Variants in GRID1 observed in about 807,000 individuals in gnomAD.
GRID1 encodes glutamate ionotropic receptor delta type subunit 1.
In GRID1, 28 loss-of-function variants were observed where a neutral mutation model predicts 98.0. That is an observed-to-expected ratio of 0.29 (90% CI 0.21 to 0.39). GRID1 has a LOEUF of 0.39. Among genes scored for constraint, GRID1 ranks in the 10% least tolerant of loss-of-function variants. GRID1 has a pLI of 1.00. For synonymous variants in GRID1, 553 were observed against 538.5 expected (o/e 1.03, Z -0.37); for missense variants, 1,111 against 1,340.5 (o/e 0.83, Z 2.67).
At chr10:86,283,760 C>A (rs572734762) in intron 2 of GRID1, among the ~76,000 whole-genome samples, 2 of 150,536 alleles carry the variant, frequency 1.3e-5, no homozygotes, top group Non-Finnish European at 3.0e-5. Context: ...TACACACTGC[C>A]CTTGCACACA....
chr10:85,757,630 C>T (rs752033319), intron 8 of GRID1, among the ~76,000 whole-genome samples: 10 of 152,222 alleles, frequency 6.6e-5, no homozygotes, highest in Admixed American at 2.0e-4. Context: ...ACAGAGCCTA[C>T]TGGGGGACAC....
rs751482415 is a variant in GRID1, at chr10:85,728,070, A to C, written c.1336-18T>G. On this transcript the variant is annotated intron_variant, in intron 9 of 15. Transcript: ENST00000327946. ...GGCTCTTCCTGAGGACAACAGAATG[A>C]AGGTTCTCCAATTAAATAACAGGTT... 47 of 1,528,714 alleles carry C rather than the reference A, an allele frequency of 3.1e-5. No homozygotes were observed. In the Admixed American group the frequency reaches 7.7e-4, roughly 25 times the overall value. The allele number at this position is 1,528,714 out of a possible 1,614,324, so 94.7% of individuals were successfully genotyped here. A position where few individuals can be genotyped will look rare whatever the true frequency, so the allele number is the denominator to read the frequency against.
At chr10:86,272,017 T>C (rs1231386669) in intron 2 of GRID1, among the ~76,000 whole-genome samples, 1 of 151,076 alleles carries the variant, frequency 6.6e-6, no homozygotes, top group Non-Finnish European at 1.5e-5. Flanking sequence ...AAAGAGAAAA[T>C]CTTAAAGGCA....
At chr10:86,280,065 T>C (rs933841323) in intron 2 of GRID1, among the ~76,000 whole-genome samples, 4 of 152,054 alleles carry the variant, frequency 2.6e-5, no homozygotes, top group African/African-American at 9.7e-5. Context: ...TAGCCAGGCA[T>C]AGTGGTGCAC....
intron 13 of GRID1, among the ~76,000 whole-genome samples, chr10:85,639,017 C>T (rs1330402507): frequency 1.3e-5 from 2 of 152,150 alleles, no homozygotes; most frequent in Non-Finnish European, 2.9e-5. Context: ...AGCATAACCA[C>T]ATAGGAGGTA....
intron 2 of GRID1, among the ~76,000 whole-genome samples, chr10:86,284,090 C>T (rs1194989784): frequency 2.1e-5 from 3 of 143,292 alleles, no homozygotes; most frequent in African/African-American, 5.2e-5. Flanking sequence ...ATACCAGCAC[C>T]TACACACCTG....
chr10:85,989,006 TG>T (rs751560161), intron 4 of GRID1, among the ~76,000 whole-genome samples: 7 of 152,128 alleles, frequency 4.6e-5, no homozygotes, highest in Non-Finnish European at 8.8e-5. Flanking sequence ...AAGAGCTTTT[TG>T]TGCGGTTTGT....
chr10:85,682,540 C>T (rs1841222446), intron 12 of GRID1, among the ~76,000 whole-genome samples: 1 of 152,236 alleles, frequency 6.6e-6, no homozygotes, highest in South Asian at 2.1e-4. Flanking sequence ...TGAATTGTCA[C>T]CAGCCAGCAG....
At chr10:86,230,952 T>C (rs1484840407) in intron 2 of GRID1, among the ~76,000 whole-genome samples, 1 of 152,196 alleles carries the variant, frequency 6.6e-6, no homozygotes. Flanking sequence ...CAGGCCCAAG[T>C]GGCCACACTT....
At chr10:86,241,496 G>A (rs1375344903) in intron 2 of GRID1, among the ~76,000 whole-genome samples, 1 of 152,186 alleles carries the variant, frequency 6.6e-6, no homozygotes, top group East Asian at 1.9e-4. Flanking sequence ...CCTCAGGCAG[G>A]GCCTCCAGGC....
intron 2 of GRID1, among the ~76,000 whole-genome samples, chr10:86,207,142 G>A (rs1208415709): frequency 6.6e-6 from 1 of 152,148 alleles, no homozygotes; most frequent in Non-Finnish European, 1.5e-5. Flanking sequence ...GGACTGAAGG[G>A]ACTAAATGGC....
chr10:86,224,710 G>A (rs746355944), intron 2 of GRID1, among the ~76,000 whole-genome samples: 13 of 152,222 alleles, frequency 8.5e-5, no homozygotes, highest in Non-Finnish European at 1.6e-4. Context: ...CTCCCTCTAC[G>A]CAGCCATCCA....
intron 8 of GRID1, among the ~76,000 whole-genome samples, chr10:85,791,593 A>T (rs560357283): frequency 6.6e-6 from 1 of 152,250 alleles, no homozygotes; most frequent in South Asian, 2.1e-4. Flanking sequence ...TATATATATG[A>T]ACAGAATGTC....
intron 2 of GRID1, among the ~76,000 whole-genome samples, chr10:86,304,442 C>T (rs1172693558): frequency 6.6e-6 from 1 of 152,234 alleles, no homozygotes; most frequent in East Asian, 1.9e-4. Flanking sequence ...TGCTGGGGTT[C>T]CACAGAAGAA....
At chr10:86,024,000 C>T (rs1374538668) in intron 4 of GRID1, among the ~76,000 whole-genome samples, 1 of 152,110 alleles carries the variant, frequency 6.6e-6, no homozygotes, top group African/African-American at 2.4e-5. Flanking sequence ...TAAATTAATG[C>T]CTTCCTCTTC....
Position 86,139,597 on chromosome 10 carries a change from C to T in GRID1, c.521-573G>A, listed in dbSNP as rs371966591. Reference sequence around the variant, plus strand: ...CCCTGAGGCATGGGACCCTGTCTGGCTTTAGGGACCTGATTTTCCTTGATA... The same window carrying T: ...CCCTGAGGCATGGGACCCTGTCTGGTTTTAGGGACCTGATTTTCCTTGATA... On this transcript the variant is annotated intron_variant, in intron 3 of 15. Coordinates refer to ENST00000327946, the MANE Select transcript of GRID1 (RefSeq NM_017551.3). 7.2e-5 allele frequency among the ~76,000 whole-genome samples: 11 copies of T among 152,326 alleles called. 1 individual carries two copies. The South Asian group carries it at 1.4e-3, about 20-fold the overall frequency.
intron 4 of GRID1, among the ~76,000 whole-genome samples, chr10:86,113,803 G>A (rs1447447100): frequency 6.6e-6 from 1 of 152,124 alleles, no homozygotes; most frequent in African/African-American, 2.4e-5. Context: ...ATAACCGAGG[G>A]GCTGACGGGA....
chr10:85,969,276 T>C (rs1272311311), intron 4 of GRID1, among the ~76,000 whole-genome samples: 1 of 152,110 alleles, frequency 6.6e-6, no homozygotes, highest in Non-Finnish European at 1.5e-5. Context: ...CTTTCCATAA[T>C]TGGTAGAACA....
intron 4 of GRID1, among the ~76,000 whole-genome samples, chr10:86,094,520 TG>T (rs1844193181): frequency 6.6e-6 from 1 of 152,184 alleles, no homozygotes; most frequent in Non-Finnish European, 1.5e-5. Flanking sequence ...AAGACTAATG[TG>T]CACAAATCAA....
Sources: gnomAD v4.1 joint callset for allele counts (sites outside exome capture counted in the v4.1 genomes callset) on GRCh38, gnomAD v4.1.1 for gene constraint, MANE v1.5 for transcripts, NCBI Gene and HGNC (gene_info 2026-07-23, HGNC 2026-07-21) for gene names.